The following FRMD5 variants were observed in gnomAD, a reference collection of about 807,000 sequenced individuals.
The protein encoded by FRMD5 is FERM domain-containing protein 5.
Under a neutral mutation model 69.0 loss-of-function variants are expected in FRMD5, and 20 were observed. That is an observed-to-expected ratio of 0.29 (90% CI 0.20 to 0.42). The LOEUF (loss-of-function observed/expected upper bound fraction) is 0.42, where lower values mean the gene tolerates loss of function less well. Among genes scored for constraint, FRMD5 ranks in the 10% least tolerant of loss-of-function variants. The pLI is 1.00. For synonymous variants in FRMD5, 271 were observed against 260.1 expected (o/e 1.04, Z -0.40); for missense variants, 595 against 708.6 (o/e 0.84, Z 1.82).
chr15:43,893,129 A>AAC (rs59665527), intron 7 of FRMD5, among the ~76,000 whole-genome samples: 12 of 111,894 alleles, frequency 1.1e-4, no homozygotes, highest in African/African-American at 5.4e-4. Context: ...ACGAAAAAAC[A>AAC]AAAAAAAAAA....
At chr15:44,113,691 C>T (rs1178117311) in intron 1 of FRMD5, among the ~76,000 whole-genome samples, 3 of 152,098 alleles carry the variant, frequency 2.0e-5, no homozygotes, top group East Asian at 1.9e-4. Context: ...TAACCATTCC[C>T]GCTTCCCCTC....
intron 1 of FRMD5, among the ~76,000 whole-genome samples, chr15:44,046,834 C>T (rs528262901): frequency 6.6e-6 from 1 of 152,250 alleles, no homozygotes; most frequent in Non-Finnish European, 1.5e-5. Flanking sequence ...CTGAAAATAT[C>T]AAAAACTAGA....
intron 2 of FRMD5, among the ~76,000 whole-genome samples, chr15:43,921,756 C>G (rs1012719346): frequency 6.6e-6 from 1 of 152,178 alleles, no homozygotes; most frequent in African/African-American, 2.4e-5. Flanking sequence ...TCTTCAGACT[C>G]TAGGGGCTTG....
intron 4 of FRMD5, among the ~76,000 whole-genome samples, chr15:43,916,123 A>G (rs1477101526): frequency 6.6e-6 from 1 of 152,158 alleles, no homozygotes; most frequent in Non-Finnish European, 1.5e-5. Flanking sequence ...GTTGAGAGAG[A>G]GGGGAAAATT....
intron 1 of FRMD5, among the ~76,000 whole-genome samples, chr15:43,973,368 GT>G (rs142522923): frequency 1.2e-3 from 154 of 127,622 alleles, no homozygotes; most frequent in East Asian, 3.8e-3. Flanking sequence ...TAATGCTAAT[GT>G]TTTTTTTTTT....
chr15:43,945,089 T>C (rs1045695990), intron 1 of FRMD5, among the ~76,000 whole-genome samples: 1 of 151,834 alleles, frequency 6.6e-6, no homozygotes, highest in African/African-American at 2.4e-5. Flanking sequence ...GCCCGGCAGG[T>C]TTCTATGAGT....
intron 1 of FRMD5, among the ~76,000 whole-genome samples, chr15:44,153,825 G>A (rs548193877): frequency 1.3e-4 from 20 of 152,220 alleles, no homozygotes; most frequent in Admixed American, 6.5e-4. Context: ...GAAATTAGCC[G>A]GGCATAATGG....
chr15:44,066,922 C>A (rs1397882882), intron 1 of FRMD5, among the ~76,000 whole-genome samples: 2 of 151,840 alleles, frequency 1.3e-5, no homozygotes, highest in South Asian at 2.1e-4. Context: ...CTTAAAGGGG[C>A]AACAAAGACC....
chr15:44,023,818 C>A (rs753554994), intron 1 of FRMD5, among the ~76,000 whole-genome samples: 26 of 152,088 alleles, frequency 1.7e-4, no homozygotes, highest in Admixed American at 2.6e-4. Flanking sequence ...AATTATGGAA[C>A]ATTAATGCTT....
In FRMD5 at chr15:43,873,092, A is replaced by G. The variant is rs1346851033; in HGVS notation, c.*793T>C. ...AAGTCTTGAGGTTCTTCGGAAAAAA[A>G]AAATCACGTTAAGTCTAGTTTCATT... On this transcript the variant is annotated 3_prime_UTR_variant, in exon 14 of 14. Transcript: ENST00000417257. The G allele has an allele frequency of 7.4e-7, 1 of 1,359,744 alleles. No individual in the cohort carries two copies. Among genetic ancestry groups the G allele is most frequent in the Non-Finnish European group, 1.0e-6 (1 of 987,952 alleles). 84.2% of individuals were successfully genotyped at this position (1,359,744 alleles called of 1,614,324 possible). A position where few individuals can be genotyped will look rare whatever the true frequency, so the allele number is the denominator to read the frequency against.
At chr15:43,905,707 GCTGGGGAGCATCACT>G in intron 6 of FRMD5, 106 bp downstream of exon 6, 1 of 1,272,512 alleles carries the variant, frequency 7.9e-7, no homozygotes, top group Non-Finnish European at 1.1e-6. Flanking sequence ...GGTCAGGAAG[GCTGGGGAGCATCACT>G]CTGTGTCAGT....
intron 1 of FRMD5, among the ~76,000 whole-genome samples, chr15:44,128,661 A>G (rs900112672): frequency 2.0e-4 from 30 of 152,272 alleles, no homozygotes; most frequent in African/African-American, 7.0e-4. Flanking sequence ...AACTGGTACC[A>G]TTATTCAAAA....
chr15:44,038,122 C>T (rs1211758682), intron 1 of FRMD5, among the ~76,000 whole-genome samples: 5 of 152,078 alleles, frequency 3.3e-5, no homozygotes, highest in Non-Finnish European at 7.4e-5. Flanking sequence ...CTGTTCATAT[C>T]CTTCACCCAC....
chr15:44,096,578 T>G (rs1176393132), intron 1 of FRMD5, among the ~76,000 whole-genome samples: 1 of 151,996 alleles, frequency 6.6e-6, no homozygotes, highest in East Asian at 1.9e-4. Context: ...AATTTTTGTA[T>G]TTTTAATAGA....
chr15:44,056,801 T>G (rs78835006), intron 1 of FRMD5, among the ~76,000 whole-genome samples: 5 of 152,102 alleles, frequency 3.3e-5, no homozygotes, highest in African/African-American at 1.2e-4. Context: ...CATTATCTCA[T>G]TGACCCTTAA....
chr15:44,030,745 G>A (rs187007213), intron 1 of FRMD5, among the ~76,000 whole-genome samples: 1 of 152,198 alleles, frequency 6.6e-6, no homozygotes, highest in East Asian at 1.9e-4. Flanking sequence ...GTTTGGCATG[G>A]TTTGACTCTG....
At position 43,873,899 on chromosome 15, in the gene FRMD5, G is replaced by A. The variant is rs1328603923; in HGVS notation, c.1699C>T (p.Leu567Phe). ...GTCATGCCTTCTCAGGTGTCAATGAGCAGGCTCACCACTGAGCGGATTTTG... is the reference window on the plus strand; with the variant it reads ...GTCATGCCTTCTCAGGTGTCAATGAACAGGCTCACCACTGAGCGGATTTTG... ...ACKIRSVVSLLIDT is the reference protein window; with the variant it reads ...ACKIRSVVSLFIDT The change falls in exon 14 of 14, where the codon CTC becomes TTC. Residue 567 changes from leucine (L) to phenylalanine (F), a missense_variant. By Grantham distance (22) the Leu-to-Phe change is conservative. This residue lies in a region of FRMD5 where 245 missense variants were observed against 227.1 expected (regional missense o/e 1.08). Coordinates refer to ENST00000417257, the MANE Select transcript of FRMD5 (RefSeq NM_032892.5). 5 of 1,613,804 alleles carry A rather than the reference G, an allele frequency of 3.1e-6. No individual in the cohort carries two copies. Among genetic ancestry groups the A allele is most frequent in the Non-Finnish European group, 4.2e-6 (5 of 1,179,896 alleles).
intron 1 of FRMD5, among the ~76,000 whole-genome samples, chr15:44,089,440 C>T (rs1894343218): frequency 6.6e-6 from 1 of 151,918 alleles, no homozygotes; most frequent in South Asian, 2.1e-4. Flanking sequence ...ATGGTGGTCC[C>T]CGCCTGTAAT....
chr15:43,985,280 C>CAAAA (rs34455065), intron 1 of FRMD5, among the ~76,000 whole-genome samples: 34 of 77,190 alleles, frequency 4.4e-4, no homozygotes, highest in Admixed American at 9.3e-4. Context: ...GACTCCGTCT[C>CAAAA]AAAAAAAAAA....
Sources: allele counts gnomAD v4.1 joint callset (sites outside exome capture counted in the v4.1 genomes callset), GRCh38; gene constraint gnomAD v4.1.1; regional missense constraint gnomAD v4.1.1; transcripts MANE v1.5; gene names NCBI Gene and HGNC (gene_info 2026-07-23, HGNC 2026-07-21).